Variants in CNOT2 observed in about 807,000 individuals in gnomAD.
The protein encoded by CNOT2 is CC chemokine receptor 4-negative regulator of transcription 2.
In CNOT2, 7 loss-of-function variants were observed where a neutral mutation model predicts 72.1. That is an observed-to-expected ratio of 0.10 (90% CI 0.06 to 0.18). CNOT2 has a LOEUF of 0.18. CNOT2 is among the 10% of genes least tolerant of loss of function. The pLI, the probability that CNOT2 is intolerant of heterozygous loss-of-function variation, is 1.00. For synonymous variants in CNOT2, 196 were observed against 225.6 expected (o/e 0.87, Z 1.17); for missense variants, 345 against 660.3 (o/e 0.52, Z 5.23).
rs183014628 is a variant in CNOT2, at chr12:70,281,932, T to G, written c.48+3658T>G. ...ATGCTCAGTGGCTACATGCTGCTAA[T>G]GGCTACTGTATTGAACAGTGTAGAT... On this transcript the variant is annotated intron_variant, in intron 2 of 15. Coordinates refer to ENST00000229195, the MANE Select transcript of CNOT2 (RefSeq NM_014515.7). 3.8e-3 allele frequency among the ~76,000 whole-genome samples: 481 copies of G among 126,990 alleles called. 10 individuals are homozygous for G. Among genetic ancestry groups the G allele is most frequent in the Admixed American group, 0.034 (460 of 13,646 alleles). The allele number at this position is 126,990 out of a possible 152,430, so 83.3% of individuals were successfully genotyped here.
chr12:70,331,807 G>A (rs1052179617), intron 6 of CNOT2: 1 of 151,752 alleles, frequency 6.6e-6, no homozygotes, highest in African/African-American at 2.4e-5. Context: ...AAAAAACCCT[G>A]TCATCTTCAT....
At chr12:70,295,913 A>G (rs1280429273) in intron 2 of CNOT2, among the ~76,000 whole-genome samples, 1 of 152,208 alleles carries the variant, frequency 6.6e-6, no homozygotes, top group African/African-American at 2.4e-5. Flanking sequence ...CTGTTTATTC[A>G]TGTTGAAACA....
chr12:70,287,509 T>G lies in CNOT2; in HGVS notation c.48+9235T>G, dbSNP rs138489069. Among the ~76,000 whole-genome samples, 786 of 149,862 alleles carry G rather than the reference T, an allele frequency of 5.2e-3. 16 individuals are homozygous for G. The highest frequency in any genetic ancestry group is 0.018 in the African/African-American group (738 of 41,344). On this transcript the variant is annotated intron_variant, in intron 2 of 15. Coordinates refer to ENST00000229195, the MANE Select transcript of CNOT2 (RefSeq NM_014515.7). ...GATTTCTCATATAATTCCATTTTGG[T>G]TCAAGAATGTGGTCTGTATGATACA...
intron 15 of CNOT2, 172 bp downstream of exon 15, chr12:70,346,496 A>G (rs577876417): frequency 3.0e-5 from 14 of 468,330 alleles, no homozygotes; most frequent in African/African-American, 1.6e-4. Context: ...TCCCAAAACA[A>G]TTGGTTTCAC....
intron 2 of CNOT2, among the ~76,000 whole-genome samples, chr12:70,302,817 G>T (rs1159469014): frequency 6.6e-6 from 1 of 151,942 alleles, no homozygotes; most frequent in African/African-American, 2.4e-5. Flanking sequence ...ACAGTGGGGT[G>T]TTAAAGTCTC....
intron 1 of CNOT2, among the ~76,000 whole-genome samples, chr12:70,259,711 G>A (rs1958653191): frequency 6.6e-6 from 1 of 152,140 alleles, no homozygotes; most frequent in African/African-American, 2.4e-5. Context: ...TTGTTGGCTA[G>A]TACTCTTCTA....
chr12:70,264,761 G>A (rs1958941500), intron 1 of CNOT2, among the ~76,000 whole-genome samples: 2 of 152,132 alleles, frequency 1.3e-5, no homozygotes, highest in African/African-American at 2.4e-5. Flanking sequence ...TATGCTGAGC[G>A]GGCAGAGGGA....
intron 6 of CNOT2, 56 bp downstream of exon 6, chr12:70,330,525 C>T: frequency 7.9e-7 from 1 of 1,270,300 alleles, no homozygotes; most frequent in Non-Finnish European, 1.1e-6. Context: ...CTCAGATTTG[C>T]CTTTTCATAT....
intron 2 of CNOT2, among the ~76,000 whole-genome samples, chr12:70,287,343 A>G (rs1871085029): frequency 6.7e-6 from 1 of 149,572 alleles, no homozygotes; most frequent in African/African-American, 2.4e-5. Context: ...ATTTATTTCT[A>G]AAATTTAATT....
intron 2 of CNOT2, among the ~76,000 whole-genome samples, chr12:70,299,725 T>C (rs1391993834): frequency 6.6e-6 from 1 of 152,164 alleles, no homozygotes; most frequent in Non-Finnish European, 1.5e-5. Flanking sequence ...TTATAATCCT[T>C]TGGGTATATA....
Position 70,354,174 on chromosome 12 carries a change from GC to G in CNOT2, c.*261del. 1 of 519,416 alleles carries G rather than the reference GC, an allele frequency of 1.9e-6. No individual in the cohort carries two copies. Among genetic ancestry groups the G allele is most frequent in the Non-Finnish European group, 3.0e-6 (1 of 335,804 alleles). The allele number at this position is 519,416 out of a possible 1,614,324, so 32.2% of individuals were successfully genotyped here. On this transcript the variant is annotated 3_prime_UTR_variant, in exon 16 of 16. Transcript: ENST00000229195. ...AATTTTTTCATTTATTTCCTTTTTT[GC>G]CAGCAGACAGACTTGAGTCTGTAAA...
intron 1 of CNOT2, among the ~76,000 whole-genome samples, chr12:70,256,335 T>C (rs1190345643): frequency 6.6e-6 from 1 of 152,084 alleles, no homozygotes; most frequent in Non-Finnish European, 1.5e-5. Context: ...TTCAAATTAA[T>C]GATTTGAGAA....
At chr12:70,349,245 G>T (rs960254081) in intron 15 of CNOT2, among the ~76,000 whole-genome samples, 2 of 152,024 alleles carry the variant, frequency 1.3e-5, no homozygotes, top group Non-Finnish European at 2.9e-5. Context: ...AGAAATCTGG[G>T]ACCTGTTCAT....
intron 1 of CNOT2, among the ~76,000 whole-genome samples, chr12:70,256,442 C>A (rs2135718983): frequency 6.6e-6 from 1 of 151,940 alleles, no homozygotes; most frequent in Non-Finnish European, 1.5e-5. Context: ...CTATAACTTA[C>A]CTATTTTGTA....
At chr12:70,276,774 T>G (rs1868885260) in intron 1 of CNOT2, among the ~76,000 whole-genome samples, 2 of 152,150 alleles carry the variant, frequency 1.3e-5, no homozygotes, top group South Asian at 4.1e-4. Flanking sequence ...TGGTAATCAA[T>G]AATTACAATT....
intron 1 of CNOT2, among the ~76,000 whole-genome samples, chr12:70,267,262 G>A (rs1051324126): frequency 4.6e-5 from 7 of 152,028 alleles, no homozygotes; most frequent in Non-Finnish European, 8.8e-5. Context: ...CATCAGGGCC[G>A]TAAATCCTTT....
chr12:70,349,132 G>C (rs1318771629), intron 15 of CNOT2, among the ~76,000 whole-genome samples: 1 of 152,030 alleles, frequency 6.6e-6, no homozygotes, highest in Non-Finnish European at 1.5e-5. Context: ...ACAAATTCAT[G>C]CACTTAAAAT....
At chr12:70,344,415 T>G (rs914014132) in intron 14 of CNOT2, 187 bp downstream of exon 14, 27 of 503,218 alleles carry the variant, frequency 5.4e-5, no homozygotes, top group Non-Finnish European at 8.7e-5. Flanking sequence ...ATAATCTATA[T>G]ACCTAAAAAG....
intron 13 of CNOT2, among the ~76,000 whole-genome samples, chr12:70,343,332 C>G (rs939030826): frequency 6.6e-6 from 1 of 151,968 alleles, no homozygotes; most frequent in Non-Finnish European, 1.5e-5. Context: ...GATCAAATAA[C>G]GAGATAAAAA....
Sources: gnomAD v4.1 joint callset for allele counts (sites outside exome capture counted in the v4.1 genomes callset) on GRCh38, gnomAD v4.1.1 for gene constraint, MANE v1.5 for transcripts, NCBI Gene and HGNC (gene_info 2026-07-23, HGNC 2026-07-21) for gene names.